MCPH1: variants seen among roughly 807,000 people sequenced by gnomAD.
MCPH1 encodes microcephalin 1.
In MCPH1, 104 loss-of-function variants were observed where a neutral mutation model predicts 84.5. The observed-to-expected ratio is 1.23, with a 90% CI of 1.05 to 1.45. MCPH1 has a LOEUF of 1.45. MCPH1 is among the 40% of genes most tolerant of loss of function. The pLI is 0.00. For synonymous variants in MCPH1, 514 were observed against 366.8 expected (o/e 1.40, Z -4.58); for missense variants, 1,498 against 1,005.7 (o/e 1.49, Z -6.62).
At chr8:6,604,325 C>A (rs557294034) in intron 12 of MCPH1, among the ~76,000 whole-genome samples, 43 of 152,362 alleles carry the variant, frequency 2.8e-4, no homozygotes, top group African/African-American at 1.0e-3. Context: ...AACAGAAGAA[C>A]TTTTGACCGA....
chr8:6,577,585 C>G lies in MCPH1; in HGVS notation c.2215-43869C>G, dbSNP rs566738050. On this transcript the variant is annotated intron_variant, in intron 12 of 13. Transcript: ENST00000344683. ...CTTCCTTTGGACAGCTACTGTAAGC[C>G]AAAGGGCTTGCATTTGAATATCTTG... Among the ~76,000 whole-genome samples the G allele has an allele frequency of 2.0e-5, 3 of 152,310 alleles. No homozygotes were observed. In the South Asian group the frequency reaches 6.2e-4, roughly 32 times the overall value.
chr8:6,627,124 C>T (rs911688539), intron 13 of MCPH1: 57 of 985,194 alleles, frequency 5.8e-5, no homozygotes, highest in Non-Finnish European at 6.4e-5. Context: ...CTGGCTCATT[C>T]ATCGTTTCCC....
rs574102101 is a variant in MCPH1 at position 6,612,394 on chromosome 8, G to C, written c.2215-9060G>C. The stretch of plus-strand genomic sequence containing the variant: ...TGCCCCAGCTGGAGAGTTGTTCTGA[G>C]GCTTTCATCCTTCTCCACGTGCCGC... On this transcript the variant is annotated intron_variant, in intron 12 of 13. Transcript: ENST00000344683. 5.9e-5 allele frequency among the ~76,000 whole-genome samples: 9 copies of C among 152,270 alleles called. 1 individual carries two copies. The South Asian group carries it at 1.7e-3, about 28-fold the overall frequency.
intron 12 of MCPH1, among the ~76,000 whole-genome samples, chr8:6,618,238 C>A (rs192497486): frequency 1.3e-5 from 2 of 152,352 alleles, no homozygotes; most frequent in South Asian, 2.1e-4. Flanking sequence ...AGTGGTGATA[C>A]AATGAGAACA....
chr8:6,461,737 C>G (rs936762241), intron 9 of MCPH1, among the ~76,000 whole-genome samples: 1 of 152,142 alleles, frequency 6.6e-6, no homozygotes, highest in African/African-American at 2.4e-5. Flanking sequence ...AGTTATACAT[C>G]TTTTCAGAGG....
chr8:6,422,647 C>T (rs1032893714), intron 3 of MCPH1, among the ~76,000 whole-genome samples: 1 of 152,182 alleles, frequency 6.6e-6, no homozygotes. Flanking sequence ...GGGGCTCATG[C>T]AGACCCCATA....
chr8:6,533,569 C>CTTTTTTTTTTTTTTTTTTT (rs56882906), intron 12 of MCPH1, among the ~76,000 whole-genome samples: 1 of 113,340 alleles, frequency 8.8e-6, no homozygotes, highest in Non-Finnish European at 1.7e-5. Flanking sequence ...CGTTTAGTTT[C>CTTTTTTTTTTTTTTTTTTT]TTTTTTTTTT....
rs75668421 is a variant in MCPH1, at chr8:6,450,605, A to G, written c.1826-4538A>G. ...GTTCTTGAATCCATGAATTTAACCA[A>G]TAAGAAACTGTTTCTCACATCCATT... On this transcript the variant is annotated intron_variant, in intron 8 of 13. Transcript: ENST00000344683. 2.9e-3 allele frequency among the ~76,000 whole-genome samples: 447 copies of G among 151,590 alleles called. 1 individual carries two copies. Among genetic ancestry groups the G allele is most frequent in the African/African-American group, 0.01 (428 of 41,262 alleles).
intron 12 of MCPH1, among the ~76,000 whole-genome samples, chr8:6,516,933 A>C (rs1816379250): frequency 6.6e-6 from 1 of 152,222 alleles, no homozygotes; most frequent in Non-Finnish European, 1.5e-5. Flanking sequence ...GAGCCATATG[A>C]GTATTCGCTT....
rs1003533888 is a variant in MCPH1 at position 6,647,949 on chromosome 8, G to A, written c.*4900G>A. 7.9e-5 allele frequency: 12 copies of A among 151,922 alleles called. 1 individual carries two copies. The highest frequency in any genetic ancestry group is 2.7e-4 in the African/African-American group (11 of 41,332). The allele number at this position is 151,922 out of a possible 1,614,324, so 9.4% of individuals were successfully genotyped here. On this transcript the variant is annotated 3_prime_UTR_variant, in exon 14 of 14. Coordinates refer to ENST00000344683, the MANE Select transcript of MCPH1 (RefSeq NM_024596.5). Reference sequence around the variant, plus strand: ...TTTAAAAAAAAGAGAGAGAGAGAACGAGAGCTACATGGCAGCCCCAGGGCA... The same window carrying A: ...TTTAAAAAAAAGAGAGAGAGAGAACAAGAGCTACATGGCAGCCCCAGGGCA...
At chr8:6,408,789 C>T (rs1388833084) in intron 1 of MCPH1, among the ~76,000 whole-genome samples, 1 of 152,168 alleles carries the variant, frequency 6.6e-6, no homozygotes, top group African/African-American at 2.4e-5. Flanking sequence ...TCTCAAACTT[C>T]TGTGCCCAAG....
chr8:6,471,073 G>A (rs1406875747), intron 9 of MCPH1, among the ~76,000 whole-genome samples: 2 of 152,064 alleles, frequency 1.3e-5, no homozygotes, highest in African/African-American at 4.8e-5. Context: ...AAATTTGGGG[G>A]AATGCCTTTT....
intron 12 of MCPH1, among the ~76,000 whole-genome samples, chr8:6,586,151 G>C (rs1827963255): frequency 6.6e-6 from 1 of 152,092 alleles, no homozygotes. Context: ...TGTAGAGACA[G>C]AGTCTCTCTA....
chr8:6,556,955 A>C (rs1824720431), intron 12 of MCPH1, among the ~76,000 whole-genome samples: 2 of 152,184 alleles, frequency 1.3e-5, no homozygotes, highest in Non-Finnish European at 2.9e-5. Context: ...GGACATGTGA[A>C]GGCACTCGAT....
intron 13 of MCPH1, among the ~76,000 whole-genome samples, chr8:6,632,855 G>C (rs1797268867): frequency 6.6e-6 from 1 of 152,064 alleles, no homozygotes; most frequent in Admixed American, 6.6e-5. Context: ...ATTTCATCAA[G>C]TCAAATTTGG....
At chr8:6,515,573 A>G (rs185046339) in intron 12 of MCPH1, among the ~76,000 whole-genome samples, 1 of 152,244 alleles carries the variant, frequency 6.6e-6, no homozygotes, top group Non-Finnish European at 1.5e-5. Flanking sequence ...AAGCGCATGC[A>G]TGCTCAATTT....
chr8:6,428,135 CT>C (rs1159984060), intron 3 of MCPH1, among the ~76,000 whole-genome samples: 1 of 151,968 alleles, frequency 6.6e-6, no homozygotes, highest in Non-Finnish European at 1.5e-5. Flanking sequence ...ACATGATAAA[CT>C]TTGTAATTTT....
At chr8:6,506,443 T>G (rs1586200300) in intron 12 of MCPH1, among the ~76,000 whole-genome samples, 1 of 152,178 alleles carries the variant, frequency 6.6e-6, no homozygotes, top group Non-Finnish European at 1.5e-5. Context: ...GTAAATATAT[T>G]GTTTCCTTGG....
At chr8:6,582,158 G>C (rs1041951796) in intron 12 of MCPH1, among the ~76,000 whole-genome samples, 1 of 152,186 alleles carries the variant, frequency 6.6e-6, no homozygotes, top group African/African-American at 2.4e-5. Context: ...GTCTCAAGCT[G>C]CCTTCACATC....
Sources: allele counts gnomAD v4.1 joint callset (sites outside exome capture counted in the v4.1 genomes callset), GRCh38; gene constraint gnomAD v4.1.1; transcripts MANE v1.5; gene names NCBI Gene and HGNC (gene_info 2026-07-23, HGNC 2026-07-21).